NSDHL: variants seen among roughly 807,000 people sequenced by gnomAD.
NSDHL encodes sterol-4-alpha-carboxylate 3-dehydrogenase, decarboxylating.
NSDHL carries 1 observed loss-of-function variant against 23.0 expected under a neutral mutation model. The ratio of observed to expected loss-of-function variants is 0.04; its 90% CI spans 0.02 to 0.21. The LOEUF is 0.21. Ranked by LOEUF, NSDHL falls within the 10% of genes least tolerant of loss-of-function variation. The pLI, the probability that NSDHL is intolerant of heterozygous loss-of-function variation, is 1.00. For synonymous variants in NSDHL, 128 were observed against 121.1 expected (o/e 1.06, Z -0.37); for missense variants, 237 against 300.9 (o/e 0.79, Z 1.57).
chrX:152,857,248 A>G (rs1556847041), intron 3 of NSDHL, among the ~76,000 whole-genome samples: 3 of 112,500 alleles, frequency 2.7e-5, no homozygotes. Context: ...ATAAATGCTG[A>G]GGTTAATTGG....
At chrX:152,867,058 G>A (rs1399082253) in intron 6 of NSDHL, among the ~76,000 whole-genome samples, 1 of 111,583 alleles carries the variant, frequency 9.0e-6, no homozygotes, top group Non-Finnish European at 1.9e-5. Flanking sequence ...CTCCACAGGG[G>A]ACAACAGTGT....
rs184175490 is a variant in NSDHL, at chrX:152,831,259, G to C, written c.-44+142G>C. On this transcript the variant is annotated intron_variant, in intron 1 of 7. Transcript: ENST00000370274. ...GAGTTTAGGGACCGAGTGCATCAGA[G>C]CAGCCAGAAACGATTACCTTGCGTG... The C allele has an allele frequency of 7.2e-3, 2,103 of 293,365 alleles. 11 individuals carry two copies. Among genetic ancestry groups the C allele is most frequent in the Middle Eastern group, 0.015 (17 of 1,117 alleles). The allele number at this position is 293,365 out of a possible 1,213,427, so 24.2% of individuals were successfully genotyped here.
At chrX:152,833,037 A>G (rs1933038225) in intron 1 of NSDHL, among the ~76,000 whole-genome samples, 1 of 111,362 alleles carries the variant, frequency 9.0e-6, no homozygotes, top group Admixed American at 9.5e-5. Context: ...GATGGAGACC[A>G]TGATGATCCA....
chrX:152,833,119 C>T (rs1165932958), intron 1 of NSDHL, among the ~76,000 whole-genome samples: 1 of 110,138 alleles, frequency 9.1e-6, no homozygotes, highest in African/African-American at 3.4e-5. Flanking sequence ...TTTTCTCTAG[C>T]TTAATTTATT....
intron 3 of NSDHL, among the ~76,000 whole-genome samples, chrX:152,855,582 C>T (rs1375363746): frequency 8.9e-6 from 1 of 111,904 alleles, no homozygotes; most frequent in East Asian, 2.8e-4. Context: ...TACCCCTTTT[C>T]TCTCTTTTCT....
rs1485303029 is a variant in NSDHL at position 152,868,973 on chromosome X, A to G, written c.979A>G (p.Met327Val). The change falls in exon 8 of 8, where the codon ATG becomes GTG. Residue 327 changes from methionine to valine, a missense_variant. Coordinates refer to ENST00000370274, the MANE Select transcript of NSDHL (RefSeq NM_015922.3). ...CCAGCTGCAGCCCACCTTCACACCC[A>G]TGCGGGTCGCACTGGCTGGCACATT... Reference protein sequence around the residue: ...VIQLQPTFTPMRVALAGTFHY... With the variant: ...VIQLQPTFTPVRVALAGTFHY... The G allele has an allele frequency of 1.8e-5, 22 of 1,210,325 alleles. No homozygotes were observed. The highest frequency in any genetic ancestry group is 2.5e-5 in the Non-Finnish European group (22 of 895,275).
intron 1 of NSDHL, among the ~76,000 whole-genome samples, chrX:152,841,884 C>A (rs1322052251): frequency 1.8e-5 from 2 of 111,982 alleles, no homozygotes; most frequent in Non-Finnish European, 3.8e-5. Flanking sequence ...TGACCATCAC[C>A]CCATCCGCCT....
At chrX:152,856,784 G>A (rs782253000) in intron 3 of NSDHL, among the ~76,000 whole-genome samples, 48 of 113,096 alleles carry the variant, frequency 4.2e-4, no homozygotes, top group African/African-American at 1.4e-3. Flanking sequence ...TGGGCTGGGT[G>A]CAGGGCTAGC....
intron 5 of NSDHL, 58 bp downstream of exon 5, chrX:152,862,782 A>G: frequency 9.1e-7 from 1 of 1,096,349 alleles, no homozygotes; most frequent in Admixed American, 2.2e-5. Context: ...TCCTAAGAAA[A>G]ATGTTTATGA....
rs781833991 is a variant in NSDHL at position 152,845,686 on chromosome X, A to C, written c.-43-596A>C. Among the ~76,000 whole-genome samples the C allele has an allele frequency of 3.6e-5, 4 of 111,506 alleles. No individual in the cohort carries two copies. The South Asian group carries it at 1.5e-3, about 42-fold the overall frequency. On this transcript the variant is annotated intron_variant, in intron 1 of 7. Coordinates refer to ENST00000370274, the MANE Select transcript of NSDHL (RefSeq NM_015922.3). The stretch of plus-strand genomic sequence containing the variant: ...CCCAAGATGCTAAGTTCCTCCACGC[A>C]TCGTCAGGGCGGCTTTAACTTAGCC...
chrX:152,847,030 T>C (rs1355678496), intron 2 of NSDHL, among the ~76,000 whole-genome samples: 1 of 112,337 alleles, frequency 8.9e-6, no homozygotes, highest in Non-Finnish European at 1.9e-5. Flanking sequence ...CTGGGCACGG[T>C]GTCTCACACC....
intron 1 of NSDHL, among the ~76,000 whole-genome samples, chrX:152,834,651 C>T (rs145182580): frequency 4.4e-5 from 5 of 112,575 alleles, no homozygotes; most frequent in South Asian, 3.6e-4. Flanking sequence ...AGGTGTGTGC[C>T]GCCTCAGGTG....
Position 152,867,659 on chromosome X carries a change from A to G in NSDHL, c.775A>G (p.Thr259Ala), listed in dbSNP as rs781927455. Reference sequence around the variant, plus strand: ...GGCAGAGCAGCTCTCCCGAGACTCGACACTGGGTGGGAAGGTAAGGCCTGC... The same window carrying G: ...GGCAGAGCAGCTCTCCCGAGACTCGGCACTGGGTGGGAAGGTAAGGCCTGC... ...LAAEQLSRDS[T>A]LGGKAFHITN... is the part of the protein sequence containing the mutation. The change falls in exon 7 of 8, where the codon ACA (threonine) becomes GCA (alanine). Residue 259 changes from threonine (T) to alanine (A), a missense_variant. Thr to Ala is a moderately conservative substitution (Grantham distance 58). Around this residue, in one of 3 missense-constraint regions of NSDHL, gnomAD observed 117 missense variants for 99.5 expected, o/e 1.18. Transcript: ENST00000370274. The G allele has an allele frequency of 8.3e-7, 1 of 1,197,780 alleles. No homozygotes were observed. The highest frequency in any genetic ancestry group is 3.0e-5 in the East Asian group (1 of 33,753).
At chrX:152,848,811 A>G (rs998645012) in intron 2 of NSDHL, among the ~76,000 whole-genome samples, 2 of 112,017 alleles carry the variant, frequency 1.8e-5, no homozygotes, top group African/African-American at 6.5e-5. Flanking sequence ...ACTTGGGAGG[A>G]GGGGAGAAGA....
intron 1 of NSDHL, among the ~76,000 whole-genome samples, chrX:152,834,026 A>G (rs782502955): frequency 8.9e-6 from 1 of 112,943 alleles, no homozygotes; most frequent in South Asian, 3.6e-4. Flanking sequence ...TGTTTTACAG[A>G]TAAGGCCTCA....
chrX:152,867,912 C>T (rs1238912439), intron 7 of NSDHL, among the ~76,000 whole-genome samples: 2 of 110,912 alleles, frequency 1.8e-5, no homozygotes, highest in Admixed American at 9.6e-5. Context: ...ATTCAGGTCA[C>T]GGTCATCTAT....
chrX:152,866,929 G>A (rs911165535), intron 6 of NSDHL, among the ~76,000 whole-genome samples: 2 of 111,559 alleles, frequency 1.8e-5, no homozygotes, highest in South Asian at 3.8e-4. Flanking sequence ...TGAAGAAACC[G>A]TGACTCAGAG....
chrX:152,859,807 T>A (rs1311342491), intron 4 of NSDHL, among the ~76,000 whole-genome samples: 1 of 112,532 alleles, frequency 8.9e-6, no homozygotes, highest in African/African-American at 3.2e-5. Context: ...CACCACATTG[T>A]TTTCCAGACC....
At position 152,850,368 on chromosome X, in the gene NSDHL, A is replaced by G; in HGVS notation, c.212A>G (p.Gln71Arg). 1 of 1,210,677 alleles carries G rather than the reference A, an allele frequency of 8.3e-7. No homozygotes were observed. Among genetic ancestry groups the G allele is most frequent in the African/African-American group, 1.7e-5 (1 of 57,731 alleles). ...GCTGTCAATGTATTTGATATCCAGC[A>G]AGGGTTTGATAATCCCCAGGTGCGG... ...GYAVNVFDIQ[Q>R]GFDNPQVRFF... Residue 71 changes from glutamine to arginine, a missense_variant, in exon 3 of 8, where the codon CAA becomes CGA. Physicochemically the swap from Gln to Arg is conservative, Grantham distance 43. Transcript: ENST00000370274.
Sources: allele counts gnomAD v4.1 joint callset (sites outside exome capture counted in the v4.1 genomes callset), GRCh38; gene constraint gnomAD v4.1.1; regional missense constraint gnomAD v4.1.1; transcripts MANE v1.5; gene names NCBI Gene and HGNC (gene_info 2026-07-23, HGNC 2026-07-21).